Variants in ACYP2 observed in about 807,000 individuals in gnomAD.
ACYP2 encodes the protein acylphosphatase 2.
Under a neutral mutation model 11.2 loss-of-function variants are expected in ACYP2, and 12 were observed. The observed-to-expected ratio is 1.08, with a 90% CI of 0.69 to 1.74. The LOEUF is 1.74. Ranked by LOEUF, ACYP2 falls within the 40% of genes most tolerant of loss-of-function variation. ACYP2 has a pLI of 0.00. For missense variants in ACYP2, 134 were observed against 101.9 expected, an observed-to-expected ratio of 1.31 and a Z score of -1.35; for synonymous variants, 43 against 32.2, an observed-to-expected ratio of 1.33 and a Z score of -1.13.
chr2:54,108,635 C>T (rs369473267), intron 4 of ACYP2, among the ~76,000 whole-genome samples: 3 of 151,834 alleles, frequency 2.0e-5, no homozygotes, highest in Admixed American at 6.6e-5. Context: ...CTTTTTCCCC[C>T]GAGTTGGTGG....
intron 6 of ACYP2, 34 bp downstream of exon 3, chr2:54,138,782 T>C (rs746083031): frequency 2.3e-5 from 36 of 1,558,430 alleles, no homozygotes; most frequent in Non-Finnish European, 3.2e-5. Context: ...GTACATGAAA[T>C]TTATGAGGCT....
intron 4 of ACYP2, among the ~76,000 whole-genome samples, chr2:54,102,638 CAAAAAAAAAAAA>C (rs58842257): frequency 0.04 from 3,282 of 82,532 alleles, 16 homozygotes; most frequent in Non-Finnish European, 0.057. Context: ...TGGCTTAAGC[CAAAAAAAAAAAA>C]AAAAAAAAAA....
At chr2:54,198,499 G>T (rs1228203582) in intron 6 of ACYP2, among the ~76,000 whole-genome samples, 5 of 152,114 alleles carry the variant, frequency 3.3e-5, no homozygotes, top group African/African-American at 1.2e-4. Flanking sequence ...AAAGCAGGGG[G>T]AAGAGAGTAC....
chr2:54,160,006 G>T (rs1350689747), intron 6 of ACYP2, among the ~76,000 whole-genome samples: 2 of 152,112 alleles, frequency 1.3e-5, no homozygotes, highest in African/African-American at 4.8e-5. Context: ...CATTTAGCAC[G>T]GCTGCTGTGA....
At chr2:54,237,515 A>G (rs547256943) in intron 6 of ACYP2, among the ~76,000 whole-genome samples, 8 of 152,250 alleles carry the variant, frequency 5.3e-5, no homozygotes, top group Non-Finnish European at 1.2e-4. Flanking sequence ...ATTATTGAGG[A>G]GTAATTTTAC....
intron 6 of ACYP2, among the ~76,000 whole-genome samples, chr2:54,277,639 C>A (rs1688657778): frequency 6.6e-6 from 1 of 152,020 alleles, no homozygotes; most frequent in Non-Finnish European, 1.5e-5. Flanking sequence ...AGTCGTGCTA[C>A]TGCACCCCAG....
chr2:54,150,121 C>A (rs1162478296), intron 6 of ACYP2, among the ~76,000 whole-genome samples: 1 of 152,148 alleles, frequency 6.6e-6, no homozygotes, highest in Non-Finnish European at 1.5e-5. Flanking sequence ...CAACCCACGG[C>A]CTGTTTTGCA....
At chr2:54,175,900 A>G (rs994146511) in intron 6 of ACYP2, among the ~76,000 whole-genome samples, 2 of 152,140 alleles carry the variant, frequency 1.3e-5, no homozygotes, top group African/African-American at 2.4e-5. Flanking sequence ...GCCTTTTGGT[A>G]GATGATCAGA....
Position 53,977,948 on chromosome 2 carries a change from A to T in ACYP2, c.62+4138A>T, listed in dbSNP as rs370704160. Among the ~76,000 whole-genome samples the T allele has an allele frequency of 3.0e-4, 45 of 152,152 alleles. 1 individual carries two copies. The East Asian group carries it at 8.3e-3, about 28-fold the overall frequency. On this transcript the variant is annotated intron_variant, in intron 2 of 6. Transcript: ENST00000607452. Reference sequence around the variant, plus strand: ...ATTCCTGGCTGAGGCTGCCACATCTAGAGCTGGAAAACCATTAAGAAATAA... The same window carrying T: ...ATTCCTGGCTGAGGCTGCCACATCTTGAGCTGGAAAACCATTAAGAAATAA...
chr2:54,279,655 C>A (rs1264671622), intron 6 of ACYP2, among the ~76,000 whole-genome samples: 1 of 152,072 alleles, frequency 6.6e-6, no homozygotes, highest in Non-Finnish European at 1.5e-5. Flanking sequence ...GAAGCCCTAC[C>A]CTACCTTGTC....
chr2:54,058,630 G>C (rs1226177905), intron 4 of ACYP2, among the ~76,000 whole-genome samples: 1 of 151,778 alleles, frequency 6.6e-6, no homozygotes, highest in African/African-American at 2.4e-5. Context: ...TAAAGAAAGA[G>C]GAAAGAAACA....
At chr2:54,176,647 G>C (rs998492295) in intron 6 of ACYP2, among the ~76,000 whole-genome samples, 23 of 152,176 alleles carry the variant, frequency 1.5e-4, no homozygotes, top group African/African-American at 5.6e-4. Flanking sequence ...CATCTTAGTG[G>C]ATGTTGTAGC....
intron 2 of ACYP2, among the ~76,000 whole-genome samples, chr2:53,990,118 A>G (rs1672216765): frequency 6.6e-6 from 1 of 151,164 alleles, no homozygotes; most frequent in Admixed American, 6.6e-5. Flanking sequence ...AGCTGGGTCT[A>G]CAGGCATGCA....
chr2:54,243,573 C>T (rs1199039836), intron 6 of ACYP2, among the ~76,000 whole-genome samples: 2 of 152,060 alleles, frequency 1.3e-5, no homozygotes, highest in Non-Finnish European at 2.9e-5. Flanking sequence ...CAGCTCATTG[C>T]GGCCTCTGCC....
chr2:54,049,662 C>T (rs1263954705), intron 2 of ACYP2, among the ~76,000 whole-genome samples: 1 of 152,068 alleles, frequency 6.6e-6, no homozygotes, highest in Non-Finnish European at 1.5e-5. Flanking sequence ...GCTTCTTACT[C>T]CCCCCAAACA....
At chr2:54,247,031 T>C (rs954429455) in intron 6 of ACYP2, among the ~76,000 whole-genome samples, 3 of 152,122 alleles carry the variant, frequency 2.0e-5, no homozygotes, top group African/African-American at 7.2e-5. Flanking sequence ...CACAGGAAGG[T>C]TGTAACTATT....
At chr2:54,128,419 G>A (rs116554935) in intron 4 of ACYP2, among the ~76,000 whole-genome samples, 1,607 of 152,040 alleles carry the variant, frequency 0.011, 28 homozygotes, top group African/African-American at 0.036. Flanking sequence ...TGTAATCCCA[G>A]TGCTTTGGGA....
At chr2:54,188,819 C>T (rs1430515075) in intron 6 of ACYP2, among the ~76,000 whole-genome samples, 1 of 152,154 alleles carries the variant, frequency 6.6e-6, no homozygotes, top group Non-Finnish European at 1.5e-5. Context: ...TGCTTGCCAG[C>T]AGCACTGGCG....
intron 6 of ACYP2, among the ~76,000 whole-genome samples, chr2:54,211,857 T>C (rs976359624): frequency 6.6e-6 from 1 of 152,190 alleles, no homozygotes; most frequent in African/African-American, 2.4e-5. Flanking sequence ...AAAGTGCAAA[T>C]AGAGCAAACT....
Sources: gnomAD v4.1 joint callset for allele counts (sites outside exome capture counted in the v4.1 genomes callset) on GRCh38, gnomAD v4.1.1 for gene constraint, MANE v1.5 for transcripts, NCBI Gene and HGNC (gene_info 2026-07-23, HGNC 2026-07-21) for gene names.